Variants in NAP1L4 observed in about 807,000 individuals in gnomAD.
The protein encoded by NAP1L4 is nucleosome assembly protein 1 like 4, also known as nucleosome assembly protein 1-like 4.
A neutral mutation model predicts 58.2 loss-of-function variants in NAP1L4; 15 were observed. The observed-to-expected ratio is 0.26, with a 90% CI of 0.17 to 0.40. NAP1L4 has a LOEUF of 0.40. NAP1L4 is among the 10% of genes least tolerant of loss of function. The pLI is 1.00. For missense variants in NAP1L4, 384 were observed against 451.1 expected (o/e 0.85, Z 1.35); for synonymous variants, 171 against 155.6 (o/e 1.10, Z -0.74).
At chr11:2,960,703 AAAATT>A (rs1303664167) in intron 8 of NAP1L4, among the ~76,000 whole-genome samples, 1 of 152,238 alleles carries the variant, frequency 6.6e-6, no homozygotes, top group African/African-American at 2.4e-5. Context: ...AATATCAAAA[AAAATT>A]AAATTAAAAG....
At chr11:2,963,201 T>C (rs1253703314) in intron 8 of NAP1L4, among the ~76,000 whole-genome samples, 1 of 147,414 alleles carries the variant, frequency 6.8e-6, no homozygotes, top group African/African-American at 2.5e-5. Context: ...AAAAAGTTAA[T>C]TGCGTCTGGA....
intron 1 of NAP1L4, among the ~76,000 whole-genome samples, chr11:2,986,448 G>A (rs563337600): frequency 2.6e-5 from 4 of 151,650 alleles, no homozygotes; most frequent in African/African-American, 7.2e-5. Context: ...GAGTGTAGTC[G>A]TACTCCCCAA....
Position 2,947,468 on chromosome 11 carries a change from CT to C in NAP1L4, c.*32+1758del, listed in dbSNP as rs1363015036. On this transcript the variant is annotated intron_variant, in intron 15 of 15. Coordinates refer to ENST00000380542, the MANE Select transcript of NAP1L4 (RefSeq NM_005969.4). ...CCCCGTGCCTTGAGGGCACAGCCCC[CT>C]CTGGGAAGGAAGGCAGCATGTGGCC... Among the ~76,000 whole-genome samples the C allele has an allele frequency of 3.9e-5, 6 of 152,192 alleles. No homozygotes were observed. The East Asian group carries it at 1.2e-3, about 29-fold the overall frequency.
At chr11:2,964,790 A>G in intron 7 of NAP1L4, 39 bp from the exon 8 acceptor site, 1 of 1,456,964 alleles carries the variant, frequency 6.9e-7, no homozygotes, top group Non-Finnish European at 9.6e-7. Flanking sequence ...CAGGCTTTTA[A>G]AAAAACAACA....
intron 1 of NAP1L4, chr11:2,990,829 T>G (rs1230669693): frequency 8.6e-6 from 2 of 232,486 alleles, no homozygotes; most frequent in Admixed American, 4.9e-5. Context: ...GCTGAAAGAG[T>G]CCCTGGTGCG....
chr11:2,970,301 G>A lies in NAP1L4; in HGVS notation c.403-367C>T, dbSNP rs117969926. Among the ~76,000 whole-genome samples the A allele has an allele frequency of 1.1e-3, 175 of 152,224 alleles. 1 individual carries two copies. The East Asian group carries it at 0.03, about 26-fold the overall frequency. On this transcript the variant is annotated intron_variant, in intron 6 of 15. Transcript: ENST00000380542. ...AAAGACTGTACATCAACCTTAAGGA[G>A]ATGCAATGCAAATATGCAGAACATC...
At chr11:2,981,347 C>A (rs982000511) in intron 1 of NAP1L4, among the ~76,000 whole-genome samples, 2 of 142,622 alleles carry the variant, frequency 1.4e-5, no homozygotes, top group Non-Finnish European at 3.0e-5. Context: ...GAGTTGGAGG[C>A]CTGGCGGCTG....
At chr11:2,991,778 T>G (rs1169336648) in intron 1 of NAP1L4, 1 of 152,218 alleles carries the variant, frequency 6.6e-6, no homozygotes, top group East Asian at 1.9e-4. Context: ...AATAAAGAAG[T>G]CCTGGACGTC....
rs1471024697 is a variant in NAP1L4 at position 2,959,410 on chromosome 11, T to G, written c.746+360A>C. Among the ~76,000 whole-genome samples the G allele has an allele frequency of 6.6e-6, 1 of 152,230 alleles. No individual in the cohort carries two copies. The highest frequency in any genetic ancestry group is 1.9e-4 in the East Asian group (1 of 5,206). On this transcript the variant is annotated intron_variant, in intron 9 of 15. Coordinates refer to ENST00000380542, the MANE Select transcript of NAP1L4 (RefSeq NM_005969.4). This position sits in a 1 kb window ranked among gnomAD's most constrained non-coding sequence, Gnocchi z 4.9. ...GATCAATATAGCCCTGGACTCAGACTCATTCATTCAATAAGTATTTATTTG... is the reference window on the plus strand; with the variant it reads ...GATCAATATAGCCCTGGACTCAGACGCATTCATTCAATAAGTATTTATTTG...
chr11:2,962,212 T>C (rs1158573512), intron 8 of NAP1L4, among the ~76,000 whole-genome samples: 3 of 152,202 alleles, frequency 2.0e-5, no homozygotes, highest in African/African-American at 7.2e-5. Context: ...TAACACAAAT[T>C]TGGGTTCAAG....
At chr11:2,962,576 G>A (rs1353998088) in intron 8 of NAP1L4, among the ~76,000 whole-genome samples, 1 of 152,106 alleles carries the variant, frequency 6.6e-6, no homozygotes, top group Non-Finnish European at 1.5e-5. Context: ...TCACTAAGCT[G>A]CTGAGATTTA....
In NAP1L4 at chr11:2,966,749, G is replaced by A. The variant is rs1847306984; in HGVS notation, c.535-1998C>T. On this transcript the variant is annotated intron_variant, in intron 7 of 15. Transcript: ENST00000380542. ...CGCTGGCTCTAGATCACCAAGATGA[G>A]CACTTCCACCAGCATGCTTTCCAGA... Among the ~76,000 whole-genome samples, 4 of 152,182 alleles carry A rather than the reference G, an allele frequency of 2.6e-5. No individual in the cohort carries two copies. In the South Asian group the frequency reaches 6.2e-4, roughly 24 times the overall value.
intron 7 of NAP1L4, among the ~76,000 whole-genome samples, chr11:2,965,244 C>T (rs1847195808): frequency 6.6e-6 from 1 of 152,246 alleles, no homozygotes; most frequent in Non-Finnish European, 1.5e-5. Context: ...ACAATGGGGG[C>T]ACCTCCTGAG....
intron 4 of NAP1L4, among the ~76,000 whole-genome samples, chr11:2,974,785 A>G (rs543810364): frequency 3.3e-5 from 5 of 152,304 alleles, no homozygotes; most frequent in African/African-American, 1.2e-4. Context: ...ACGTGCAGCA[A>G]ATCACCATGG....
intron 2 of NAP1L4, among the ~76,000 whole-genome samples, 175 bp downstream of exon 2, chr11:2,979,032 T>C (rs923387746): frequency 6.6e-6 from 1 of 152,224 alleles, no homozygotes; most frequent in East Asian, 1.9e-4. Flanking sequence ...TCTGAGGCAC[T>C]GTTCATGTCG....
chr11:2,986,344 A>C lies in NAP1L4; in HGVS notation c.-18+5910T>G, dbSNP rs565651803. 4.9e-4 allele frequency among the ~76,000 whole-genome samples: 73 copies of C among 149,836 alleles called. No homozygotes were observed. The South Asian group carries it at 0.015, about 31-fold the overall frequency. On this transcript the variant is annotated intron_variant, in intron 1 of 15. Coordinates refer to ENST00000380542, the MANE Select transcript of NAP1L4 (RefSeq NM_005969.4). ...AGCCAAGATTGCCCCACTAGACTCC[A>C]GTCTGGGCGACAGAGCCAGACCCTG...
At position 2,951,211 on chromosome 11, in the gene NAP1L4, A is replaced by G. The variant is rs1222177201; in HGVS notation, c.1122+48T>C. 21 of 1,454,182 alleles carry G rather than the reference A, an allele frequency of 1.4e-5. No homozygotes were observed. Among genetic ancestry groups the G allele is most frequent in the East Asian group, 2.3e-5 (1 of 44,078 alleles). The allele number at this position is 1,454,182 out of a possible 1,614,324, so 90.1% of individuals were successfully genotyped here. A position where few individuals can be genotyped will look rare whatever the true frequency, so the allele number is the denominator to read the frequency against. On this transcript the variant is annotated intron_variant, in intron 14 of 15. Coordinates refer to ENST00000380542, the MANE Select transcript of NAP1L4 (RefSeq NM_005969.4). The surrounding 1 kb of genome is among the most constrained non-coding windows in gnomAD (Gnocchi z 4.0). ...AAGTGGGGAACATTTTTAAAAGTCT[A>G]AGAGTGCAGCATAATAAGTAGGTCT...
At chr11:2,968,988 GTTTTT>G (rs61176259) in intron 7 of NAP1L4, among the ~76,000 whole-genome samples, 1 of 113,580 alleles carries the variant, frequency 8.8e-6, no homozygotes. Flanking sequence ...TTGTTGTGTT[GTTTTT>G]TTTTTTTTTT....
chr11:2,968,348 C>T (rs1418995793), intron 7 of NAP1L4, among the ~76,000 whole-genome samples: 4 of 152,186 alleles, frequency 2.6e-5, no homozygotes, highest in Non-Finnish European at 5.9e-5. Flanking sequence ...GAGACTACGG[C>T]TCTGGTAGAC....
Sources: gnomAD v4.1 joint callset for allele counts (sites outside exome capture counted in the v4.1 genomes callset) on GRCh38, gnomAD v4.1.1 for gene constraint, Gnocchi (gnomAD v3.1) non-coding constraint, MANE v1.5 for transcripts, NCBI Gene and HGNC (gene_info 2026-07-23, HGNC 2026-07-21) for gene names.